Variants in SNTG1 observed in about 807,000 individuals in gnomAD.
The protein encoded by SNTG1 is gamma-1-syntrophin.
In SNTG1, 39 loss-of-function variants were observed where a neutral mutation model predicts 74.7. The ratio of observed to expected loss-of-function variants is 0.52; its 90% confidence interval spans 0.40 to 0.68. The LOEUF is 0.68. Among genes scored for constraint, SNTG1 ranks in the 30% least tolerant of loss-of-function variants. The pLI is 0.00. For missense variants in SNTG1, 685 were observed against 609.5 expected, an observed-to-expected ratio of 1.12 and a Z score of -1.30; for synonymous variants, 254 against 217.1, an observed-to-expected ratio of 1.17 and a Z score of -1.49.
At chr8:50,385,211 C>T (rs1196088929) in intron 2 of SNTG1, among the ~76,000 whole-genome samples, 1 of 152,172 alleles carries the variant, frequency 6.6e-6, no homozygotes. Flanking sequence ...GAATCTTCTC[C>T]TGTTCTGGAC....
At chr8:50,245,007 A>T (rs1021877387) in intron 2 of SNTG1, among the ~76,000 whole-genome samples, 12 of 152,026 alleles carry the variant, frequency 7.9e-5, no homozygotes, top group African/African-American at 2.9e-4. Context: ...TTTTTTTTCC[A>T]TTATCATTCT....
At chr8:50,442,680 TAAAAAAA>T (rs5891365) in intron 5 of SNTG1, among the ~76,000 whole-genome samples, 5 of 81,170 alleles carry the variant, frequency 6.2e-5, no homozygotes, top group Admixed American at 3.8e-4. Context: ...TGTCTATCAG[TAAAAAAA>T]AAAAAAAAAA....
intron 17 of SNTG1, among the ~76,000 whole-genome samples, chr8:50,739,193 C>T (rs954653152): frequency 3.3e-5 from 5 of 151,970 alleles, no homozygotes; most frequent in Admixed American, 3.3e-4. Flanking sequence ...CCAGAATCTA[C>T]AAGGAACTTA....
chr8:50,476,327 G>C (rs2093696716), intron 8 of SNTG1, among the ~76,000 whole-genome samples: 1 of 152,146 alleles, frequency 6.6e-6, no homozygotes, highest in African/African-American at 2.4e-5. Flanking sequence ...ACTATCTGGT[G>C]ATTTCAGGAA....
At chr8:50,676,669 A>G (rs2095310866) in intron 15 of SNTG1, among the ~76,000 whole-genome samples, 3 of 151,868 alleles carry the variant, frequency 2.0e-5, no homozygotes, top group Non-Finnish European at 4.4e-5. Flanking sequence ...TTGTTTTTAA[A>G]TAATGTCATT....
chr8:50,384,366 A>G (rs528959257), intron 2 of SNTG1, among the ~76,000 whole-genome samples: 7 of 152,206 alleles, frequency 4.6e-5, no homozygotes, highest in Non-Finnish European at 8.8e-5. Flanking sequence ...GATGACAGTT[A>G]ATAAGGCATT....
intron 18 of SNTG1, 123 bp downstream of exon 18, chr8:50,752,234 AT>A: frequency 2.1e-6 from 1 of 472,450 alleles, no homozygotes; most frequent in South Asian, 5.9e-5. Context: ...ATCTTGAAAT[AT>A]CCGTCATGGC....
At chr8:50,321,140 A>C (rs1416364713) in intron 2 of SNTG1, among the ~76,000 whole-genome samples, 2 of 152,120 alleles carry the variant, frequency 1.3e-5, no homozygotes, top group Admixed American at 6.5e-5. Context: ...GTGTTGAAGT[A>C]TCCAGCTATT....
At chr8:50,281,667 A>G (rs1261641810) in intron 2 of SNTG1, among the ~76,000 whole-genome samples, 1 of 152,220 alleles carries the variant, frequency 6.6e-6, no homozygotes, top group Non-Finnish European at 1.5e-5. Context: ...TAGTTCAAGG[A>G]CAATGAAAAG....
chr8:50,360,844 C>A (rs532395391), intron 2 of SNTG1, among the ~76,000 whole-genome samples: 140 of 152,134 alleles, frequency 9.2e-4, no homozygotes, highest in African/African-American at 3.3e-3. Context: ...AGTTGCTGTG[C>A]ACGAGTCAGT....
chr8:50,178,358 C>CTT (rs33912042), intron 2 of SNTG1, among the ~76,000 whole-genome samples: 5 of 145,790 alleles, frequency 3.4e-5, no homozygotes, highest in Admixed American at 1.4e-4. Flanking sequence ...TTCCTCCTCT[C>CTT]TTTTTTTTTT....
chr8:50,727,377 A>C (rs2095502671), intron 17 of SNTG1, among the ~76,000 whole-genome samples: 1 of 152,100 alleles, frequency 6.6e-6, no homozygotes, highest in South Asian at 2.1e-4. Flanking sequence ...TTCCGTTAAG[A>C]GTTTTCTTTG....
intron 1 of SNTG1, among the ~76,000 whole-genome samples, chr8:49,912,523 G>A (rs1019043480): frequency 6.6e-6 from 1 of 152,072 alleles, no homozygotes. Flanking sequence ...TAATGCAATC[G>A]TTTGGCAAGA....
At chr8:50,032,226 A>G (rs1448615781) in intron 1 of SNTG1, among the ~76,000 whole-genome samples, 1 of 151,762 alleles carries the variant, frequency 6.6e-6, no homozygotes, top group Non-Finnish European at 1.5e-5. Flanking sequence ...TTCTATTGAT[A>G]TTTCTGGAAG....
At chr8:49,999,387 T>A (rs1256045581) in intron 1 of SNTG1, among the ~76,000 whole-genome samples, 1 of 152,156 alleles carries the variant, frequency 6.6e-6, no homozygotes, top group Non-Finnish European at 1.5e-5. Flanking sequence ...GTCTTCTGCC[T>A]GGAAGCAGAG....
chr8:50,529,198 C>T, intron 9 of SNTG1, among the ~76,000 whole-genome samples: 1 of 151,632 alleles, frequency 6.6e-6, no homozygotes, highest in East Asian at 1.9e-4. Flanking sequence ...GATATAAATG[C>T]AAATAAACTT....
intron 13 of SNTG1, among the ~76,000 whole-genome samples, chr8:50,652,045 C>T (rs2095150367): frequency 1.3e-5 from 2 of 152,228 alleles, no homozygotes; most frequent in South Asian, 2.1e-4. Flanking sequence ...CCACCACAAC[C>T]GGCCTTAACT....
intron 1 of SNTG1, among the ~76,000 whole-genome samples, chr8:50,110,227 G>A (rs540475628): frequency 6.6e-6 from 1 of 152,206 alleles, no homozygotes; most frequent in African/African-American, 2.4e-5. Context: ...AGTCATAAGG[G>A]ACATTGCTTT....
chr8:50,063,825 A>T (rs1257790154), intron 1 of SNTG1, among the ~76,000 whole-genome samples: 2 of 152,212 alleles, frequency 1.3e-5, no homozygotes, highest in Non-Finnish European at 2.9e-5. Flanking sequence ...TTAACTGTAG[A>T]TTCAAAATGC....
Sources: gnomAD v4.1 joint callset for allele counts (sites outside exome capture counted in the v4.1 genomes callset) on GRCh38, gnomAD v4.1.1 for gene constraint, MANE v1.5 for transcripts, NCBI Gene and HGNC (gene_info 2026-07-23, HGNC 2026-07-21) for gene names.